The following ATP2B2 variants were observed in gnomAD, a reference collection of about 807,000 sequenced individuals.
ATP2B2 encodes plasma membrane calcium-transporting ATPase 2.
ATP2B2 carries 15 observed loss-of-function variants against 120.0 expected under a neutral mutation model. The ratio of observed to expected loss-of-function variants is 0.12; its 90% CI spans 0.08 to 0.19. The LOEUF is 0.19. Ranked by LOEUF, ATP2B2 falls within the 10% of genes least tolerant of loss-of-function variation. ATP2B2 has a pLI of 1.00. For missense variants in ATP2B2, 1,045 were observed against 1,719.8 expected, an observed-to-expected ratio of 0.61 and a Z score of 6.94; for synonymous variants, 694 against 700.3, an observed-to-expected ratio of 0.99 and a Z score of 0.14.
rs1372452451 is a variant in ATP2B2 at position 10,410,832 on chromosome 3, G to C, written c.200-17C>G. The stretch of plus-strand genomic sequence containing the variant: ...CCGGCAAACCTGTGGACAGAGAACA[G>C]AGAGGTTGGCTGGGGGCCTGGGAGA... On this transcript the variant is annotated splice_polypyrimidine_tract_variant and intron_variant, in intron 2 of 22. Coordinates refer to ENST00000360273, the MANE Select transcript of ATP2B2 (RefSeq NM_001001331.4). The C allele has an allele frequency of 5.0e-6, 8 of 1,612,316 alleles. No homozygotes were observed. The highest frequency in any genetic ancestry group is 6.8e-6 in the Non-Finnish European group (8 of 1,179,986).
At chr3:10,546,796 C>T (rs1247917435) in intron 2 of ATP2B2, among the ~76,000 whole-genome samples, 1 of 152,158 alleles carries the variant, frequency 6.6e-6, no homozygotes, top group African/African-American at 2.4e-5. Context: ...AGAGGAAGAC[C>T]TCGTATCTGA....
intron 2 of ATP2B2, among the ~76,000 whole-genome samples, chr3:10,573,073 G>C (rs186973538): frequency 5.3e-5 from 8 of 152,084 alleles, no homozygotes; most frequent in Non-Finnish European, 8.8e-5. Context: ...TCTGCCCGCA[G>C]GTTCCTTTGA....
intron 2 of ATP2B2, among the ~76,000 whole-genome samples, chr3:10,617,028 G>A (rs1260056779): frequency 6.6e-6 from 1 of 152,176 alleles, no homozygotes; most frequent in East Asian, 1.9e-4. Flanking sequence ...CAGTTTCGAT[G>A]GCTGCCCAGA....
intron 2 of ATP2B2, among the ~76,000 whole-genome samples, chr3:10,567,098 C>G (rs1249342397): frequency 6.6e-6 from 1 of 152,214 alleles, no homozygotes; most frequent in African/African-American, 2.4e-5. Context: ...CCATTGATAT[C>G]TAGACCAGCC....
intron 1 of ATP2B2, among the ~76,000 whole-genome samples, chr3:10,460,712 G>A (rs1010788674): frequency 8.5e-5 from 13 of 152,334 alleles, no homozygotes; most frequent in Admixed American, 3.3e-4. Flanking sequence ...TCACTGAAGT[G>A]CATGCACTGT....
At chr3:10,606,610 T>A (rs1264030378) in intron 2 of ATP2B2, among the ~76,000 whole-genome samples, 3 of 152,158 alleles carry the variant, frequency 2.0e-5, no homozygotes, top group Non-Finnish European at 2.9e-5. Flanking sequence ...GGTGGACGTG[T>A]GTGCAGCGGA....
At chr3:10,452,297 G>C (rs1051707172) in intron 1 of ATP2B2, among the ~76,000 whole-genome samples, 3 of 152,216 alleles carry the variant, frequency 2.0e-5, no homozygotes, top group Non-Finnish European at 4.4e-5. Context: ...TGGCATTTGG[G>C]TTTGGGCCGA....
intron 3 of ATP2B2, among the ~76,000 whole-genome samples, chr3:10,527,030 C>T (rs1008653024): frequency 2.6e-5 from 4 of 152,178 alleles, no homozygotes; most frequent in African/African-American, 7.2e-5. Context: ...GGGTCGAGAG[C>T]GTGTGTAAGC....
upstream of ATP2B2, among the ~76,000 whole-genome samples, chr3:10,508,103 T>A (rs1415244637): frequency 6.6e-6 from 1 of 152,202 alleles, no homozygotes; most frequent in Non-Finnish European, 1.5e-5. Flanking sequence ...ACCCTAAGAC[T>A]AGAACTGCCA....
intron 2 of ATP2B2, among the ~76,000 whole-genome samples, chr3:10,414,689 G>C (rs989330550): frequency 3.3e-5 from 5 of 152,160 alleles, no homozygotes; most frequent in African/African-American, 1.2e-4. Flanking sequence ...TAAGTTGCTA[G>C]TTTGAGACCC....
At position 10,329,206 on chromosome 3, in the gene ATP2B2, G is replaced by GT; in HGVS notation, c.3421-82_3421-81insA. 2.2e-6 allele frequency: 2 copies of GT among 902,404 alleles called. No homozygotes were observed. Among genetic ancestry groups the GT allele is most frequent in the Non-Finnish European group, 1.7e-6 (1 of 590,994 alleles). The allele number at this position is 902,404 out of a possible 1,614,324, so 55.9% of individuals were successfully genotyped here. On this transcript the variant is annotated intron_variant, in intron 22 of 22. Coordinates refer to ENST00000360273, the MANE Select transcript of ATP2B2 (RefSeq NM_001001331.4). The surrounding 1 kb of genome is among the most constrained non-coding windows in gnomAD (Gnocchi z 5.9). ...GGGGGCTCACAGGAGGGGCGGGTGG[G>GT]AGAAGGGTTAGGGCAAAGCAGGTGG... is the stretch of plus-strand genomic sequence containing the variant.
intron 3 of ATP2B2, among the ~76,000 whole-genome samples, chr3:10,522,808 CT>C (rs889668672): frequency 4.6e-5 from 7 of 152,200 alleles, no homozygotes; most frequent in African/African-American, 1.7e-4. Flanking sequence ...GGTAATGGGG[CT>C]TGCTCAAGGT....
chr3:10,472,966 G>A (rs1421457926), intron 1 of ATP2B2, among the ~76,000 whole-genome samples: 1 of 152,198 alleles, frequency 6.6e-6, no homozygotes, highest in African/African-American at 2.4e-5. Context: ...GACCCATGTT[G>A]GTAAGTTGTT....
At chr3:10,602,059 G>A (rs1306198200) in intron 2 of ATP2B2, among the ~76,000 whole-genome samples, 1 of 152,244 alleles carries the variant, frequency 6.6e-6, no homozygotes, top group Non-Finnish European at 1.5e-5. Flanking sequence ...TGCAGAGGAA[G>A]AGCTGAGGCT....
chr3:10,550,931 C>T (rs987205507), intron 2 of ATP2B2, among the ~76,000 whole-genome samples: 2 of 152,080 alleles, frequency 1.3e-5, no homozygotes, highest in South Asian at 2.1e-4. Context: ...TGGCAGGATA[C>T]GGCCCGGCCT....
At chr3:10,553,978 G>C (rs1312024465) in intron 2 of ATP2B2, among the ~76,000 whole-genome samples, 1 of 146,572 alleles carries the variant, frequency 6.8e-6, no homozygotes. Context: ...GAGCAGGAGC[G>C]GTACACAGAC....
intron 1 of ATP2B2, among the ~76,000 whole-genome samples, chr3:10,460,606 C>T (rs907010725): frequency 6.6e-6 from 1 of 152,110 alleles, no homozygotes; most frequent in Non-Finnish European, 1.5e-5. Flanking sequence ...GGAGCTGACC[C>T]CATATTTTAG....
intron 1 of ATP2B2, among the ~76,000 whole-genome samples, chr3:10,495,551 C>A (rs2066112610): frequency 6.6e-6 from 1 of 152,218 alleles, no homozygotes; most frequent in Non-Finnish European, 1.5e-5. Flanking sequence ...TACCCGGGGG[C>A]TGTAGTGAAG....
intron 1 of ATP2B2, among the ~76,000 whole-genome samples, chr3:10,702,447 G>A (rs1172886636): frequency 6.6e-6 from 1 of 152,156 alleles, no homozygotes; most frequent in Non-Finnish European, 1.5e-5. Context: ...TATAGATGAG[G>A]AAACTGAGAC....
Sources: allele counts gnomAD v4.1 joint callset (sites outside exome capture counted in the v4.1 genomes callset), GRCh38; gene constraint gnomAD v4.1.1; non-coding constraint Gnocchi (gnomAD v3.1); transcripts MANE v1.5; gene names NCBI Gene and HGNC (gene_info 2026-07-23, HGNC 2026-07-21).